The following ARHGAP26 variants were observed in gnomAD, a reference collection of about 807,000 sequenced individuals.
ARHGAP26 encodes the protein rho GTPase-activating protein 26.
ARHGAP26 carries 38 observed loss-of-function variants against 104.8 expected under a neutral mutation model. The ratio of observed to expected loss-of-function variants is 0.36; its 90% CI spans 0.28 to 0.48. The LOEUF (loss-of-function observed/expected upper bound fraction) is 0.48, where lower values mean the gene tolerates loss of function less well. Ranked by LOEUF, ARHGAP26 falls within the 20% of genes least tolerant of loss-of-function variation. The probability of loss-of-function intolerance (pLI) is 0.99; values close to 1 mark genes in which losing one functional copy is unlikely to be tolerated. For synonymous variants in ARHGAP26, 341 were observed against 340.0 expected, an observed-to-expected ratio of 1.00 and a Z score of -0.03; for missense variants, 704 against 947.9, an observed-to-expected ratio of 0.74 and a Z score of 3.38.
At position 143,022,355 on chromosome 5, in the gene ARHGAP26, G is replaced by T. The variant is rs184919187; in HGVS notation, c.1144+8239G>T. On this transcript the variant is annotated intron_variant, in intron 12 of 22. Transcript: ENST00000645722. ...CCCAAAGTGTTGGGATTACAGGCAT[G>T]AGCCACTGCGCCTGGCCAATCCCCT... Among the ~76,000 whole-genome samples, 259 of 152,354 alleles carry T rather than the reference G, an allele frequency of 1.7e-3. 2 individuals carry two copies. The South Asian group carries it at 0.021, about 12-fold the overall frequency.
intron 1 of ARHGAP26, among the ~76,000 whole-genome samples, chr5:142,821,810 A>G (rs1766250514): frequency 6.6e-6 from 1 of 152,196 alleles, no homozygotes; most frequent in East Asian, 1.9e-4. Flanking sequence ...TTGTTTAGAA[A>G]GTAGGGTGCC....
rs371094974 is a variant in ARHGAP26 at position 142,989,386 on chromosome 5, G to A, written c.1108-24694G>A. Among the ~76,000 whole-genome samples the A allele has an allele frequency of 1.1e-4, 17 of 151,480 alleles. No individual in the cohort carries two copies. The East Asian group carries it at 2.9e-3, about 26-fold the overall frequency. ...CCTTTATTTTGAGCCTATGTGATGG[G>A]TCTCCTGAATACAGCACACTGATGG... On this transcript the variant is annotated intron_variant, in intron 11 of 22. Coordinates refer to ENST00000645722, the MANE Select transcript of ARHGAP26 (RefSeq NM_001135608.3).
At chr5:143,118,838 T>C (rs1238592341) in intron 17 of ARHGAP26, among the ~76,000 whole-genome samples, 1 of 151,564 alleles carries the variant, frequency 6.6e-6, no homozygotes, top group Non-Finnish European at 1.5e-5. Flanking sequence ...CACCTAATGC[T>C]AAATGACGAG....
intron 1 of ARHGAP26, among the ~76,000 whole-genome samples, chr5:142,799,473 GA>G (rs1761627574): frequency 6.6e-6 from 1 of 152,190 alleles, no homozygotes; most frequent in Admixed American, 6.5e-5. Flanking sequence ...TGGATGCTTT[GA>G]GGCTGAGAGT....
intron 17 of ARHGAP26, among the ~76,000 whole-genome samples, chr5:143,110,054 G>A (rs1489151207): frequency 1.3e-5 from 2 of 152,192 alleles, no homozygotes; most frequent in African/African-American, 2.4e-5. Flanking sequence ...GTTTGTACCT[G>A]CTGTTTCCTC....
intron 1 of ARHGAP26, among the ~76,000 whole-genome samples, chr5:142,861,209 A>G (rs1487415755): frequency 2.0e-5 from 3 of 152,138 alleles, no homozygotes; most frequent in Non-Finnish European, 2.9e-5. Flanking sequence ...TTGCCCACTC[A>G]GGCTTCCGTT....
intron 1 of ARHGAP26, among the ~76,000 whole-genome samples, chr5:142,862,004 G>C (rs1753443283): frequency 6.6e-6 from 1 of 152,194 alleles, no homozygotes; most frequent in African/African-American, 2.4e-5. Context: ...TCCAGGTTCT[G>C]CCGTCTGTGA....
intron 1 of ARHGAP26, among the ~76,000 whole-genome samples, chr5:142,866,316 C>G (rs1002503996): frequency 5.3e-5 from 8 of 152,122 alleles, no homozygotes; most frequent in African/African-American, 1.7e-4. Flanking sequence ...GTTTTGGAGT[C>G]AGAGAGACCA....
chr5:143,207,086 G>T, intron 20 of ARHGAP26, 112 bp from the exon 21 acceptor site: 1 of 1,323,828 alleles, frequency 7.6e-7, no homozygotes, highest in South Asian at 1.4e-5. Flanking sequence ...CCTGGGTTTC[G>T]GTGCTCCTCT....
chr5:143,159,910 T>A (rs139479138), intron 20 of ARHGAP26, among the ~76,000 whole-genome samples: 2,623 of 135,378 alleles, frequency 0.019, 36 homozygotes, highest in Non-Finnish European at 0.031. Flanking sequence ...AACACTACCC[T>A]CTTGTGGTAT....
chr5:143,151,533 A>C (rs1053377294), intron 20 of ARHGAP26, among the ~76,000 whole-genome samples: 4 of 152,262 alleles, frequency 2.6e-5, no homozygotes, highest in African/African-American at 9.6e-5. Flanking sequence ...GATGTCTATC[A>C]GTATGTGAAA....
intron 1 of ARHGAP26, among the ~76,000 whole-genome samples, chr5:142,859,180 C>T (rs552229533): frequency 6.6e-6 from 1 of 152,226 alleles, no homozygotes; most frequent in Admixed American, 6.5e-5. Context: ...GACAAATGGA[C>T]TGGGAAGCAT....
At chr5:143,147,473 A>G (rs746395037) in intron 20 of ARHGAP26, 92 bp downstream of exon 20, 7 of 1,435,894 alleles carry the variant, frequency 4.9e-6, no homozygotes, top group Non-Finnish European at 6.6e-6. Context: ...ACTTTGGACC[A>G]TTATCCCCTG....
intron 20 of ARHGAP26, among the ~76,000 whole-genome samples, chr5:143,193,282 C>G (rs1273078166): frequency 2.4e-5 from 3 of 125,888 alleles, no homozygotes; most frequent in Non-Finnish European, 4.7e-5. Flanking sequence ...GAGTCTCGCT[C>G]TGTCACCCAG....
chr5:142,913,140 C>A, intron 9 of ARHGAP26, 59 bp from the exon 10 acceptor site: 2 of 1,381,578 alleles, frequency 1.4e-6, no homozygotes, highest in Non-Finnish European at 2.1e-6. Flanking sequence ...CATGTATGTC[C>A]TGGGAGGAGT....
At chr5:142,976,818 G>A (rs1165374101) in intron 11 of ARHGAP26, among the ~76,000 whole-genome samples, 2 of 152,162 alleles carry the variant, frequency 1.3e-5, no homozygotes, top group African/African-American at 4.8e-5. Context: ...GAACCTGCTG[G>A]TTCAAACTTT....
In ARHGAP26 at chr5:143,225,939, T is replaced by C. The variant is rs958112182; in HGVS notation, c.*3493T>C. 1.8e-5 allele frequency: 4 copies of C among 220,150 alleles called. No individual in the cohort carries two copies. Among genetic ancestry groups the C allele is most frequent in the African/African-American group, 9.0e-5 (4 of 44,524 alleles). 13.6% of individuals were successfully genotyped at this position (220,150 alleles called of 1,614,324 possible). On this transcript the variant is annotated 3_prime_UTR_variant, in exon 23 of 23. Transcript: ENST00000645722. ...GGAAGGAACTTGAAGACTAAAGATT[T>C]TACTCTCTCCCCTATCCATGCCCCC...
intron 20 of ARHGAP26, among the ~76,000 whole-genome samples, chr5:143,158,191 A>G (rs989271055): frequency 2.6e-5 from 4 of 152,178 alleles, no homozygotes; most frequent in Admixed American, 2.0e-4. Flanking sequence ...TGGACACTCA[A>G]TGTTTACTTT....
At chr5:142,992,378 C>G (rs149113595) in intron 11 of ARHGAP26, among the ~76,000 whole-genome samples, 17 of 152,074 alleles carry the variant, frequency 1.1e-4, no homozygotes, top group Non-Finnish European at 1.9e-4. Context: ...ATTCGAAAGG[C>G]TCCAAGATGA....
Sources: allele counts gnomAD v4.1 joint callset (sites outside exome capture counted in the v4.1 genomes callset), GRCh38; gene constraint gnomAD v4.1.1; transcripts MANE v1.5; gene names NCBI Gene and HGNC (gene_info 2026-07-23, HGNC 2026-07-21).